Variants in NCEH1 observed in about 807,000 individuals in gnomAD.
NCEH1 encodes neutral cholesterol ester hydrolase 1, also known as 2-acetyl MAGE hydrolase.
In NCEH1, 9 loss-of-function variants were observed where a neutral mutation model predicts 25.4. That is an observed-to-expected ratio of 0.35 (90% CI 0.21 to 0.62). The LOEUF (loss-of-function observed/expected upper bound fraction) is 0.62, where lower values mean the gene tolerates loss of function less well. Ranked by LOEUF, NCEH1 falls within the 20% of genes least tolerant of loss-of-function variation. The pLI, the probability that NCEH1 is intolerant of heterozygous loss-of-function variation, is 0.72. For missense variants in NCEH1, 412 were observed against 501.1 expected (o/e 0.82, Z 1.70); for synonymous variants, 200 against 199.8 (o/e 1.00, Z -0.01).
rs917005062 is a variant in NCEH1 at position 172,647,737 on chromosome 3, T to G, written c.367+149A>C. On this transcript the variant is annotated intron_variant, in intron 2 of 4. Transcript: ENST00000475381. ...GTGAAAAGGGGGCACTAGTCATAAT[T>G]TTGCTGGGACAACAGGGGTAACTGG... 8.7e-6 allele frequency: 9 copies of G among 1,031,480 alleles called. No homozygotes were observed. The South Asian group carries it at 1.5e-4, about 17-fold the overall frequency. The allele number at this position is 1,031,480 out of a possible 1,614,324, so 63.9% of individuals were successfully genotyped here. A position where few individuals can be genotyped will look rare whatever the true frequency, so the allele number is the denominator to read the frequency against.
At chr3:172,634,975 T>A (rs895619353) in intron 4 of NCEH1, among the ~76,000 whole-genome samples, 1 of 152,170 alleles carries the variant, frequency 6.6e-6, no homozygotes, top group Non-Finnish European at 1.5e-5. Context: ...TGTATACACA[T>A]CACCTCACTA....
chr3:172,681,070 G>A (rs1292284027), intron 1 of NCEH1: 3 of 151,960 alleles, frequency 2.0e-5, no homozygotes, highest in African/African-American at 7.3e-5. Flanking sequence ...CGAAATAGAG[G>A]GGATATGCAT....
At chr3:172,674,319 C>T (rs926129627) in intron 1 of NCEH1, among the ~76,000 whole-genome samples, 8 of 151,764 alleles carry the variant, frequency 5.3e-5, no homozygotes, top group African/African-American at 1.7e-4. Context: ...TGGCACGTGC[C>T]GTAATCCCAG....
intron 1 of NCEH1, among the ~76,000 whole-genome samples, chr3:172,682,600 C>A (rs971548210): frequency 6.6e-6 from 1 of 152,178 alleles, no homozygotes; most frequent in African/African-American, 2.4e-5. Context: ...TAGGTTTGCA[C>A]AGGCCTCCCC....
chr3:172,643,014 C>T (rs1385183187), intron 3 of NCEH1, among the ~76,000 whole-genome samples: 2 of 152,186 alleles, frequency 1.3e-5, no homozygotes, highest in Non-Finnish European at 2.9e-5. Flanking sequence ...TCTCGGCTCA[C>T]TGCAACCTCC....
chr3:172,642,180 T>C (rs1716881324), intron 3 of NCEH1, among the ~76,000 whole-genome samples: 1 of 151,938 alleles, frequency 6.6e-6, no homozygotes, highest in African/African-American at 2.4e-5. Context: ...TTTTTTTGTT[T>C]TGTTTTGTTT....
intron 1 of NCEH1, among the ~76,000 whole-genome samples, chr3:172,677,915 G>A (rs1226987982): frequency 1.3e-5 from 2 of 152,232 alleles, no homozygotes; most frequent in Admixed American, 6.5e-5. Flanking sequence ...GCGACAGAGC[G>A]AGACTCCATC....
intron 1 of NCEH1, among the ~76,000 whole-genome samples, chr3:172,688,049 T>C (rs941261101): frequency 6.6e-6 from 1 of 150,600 alleles, no homozygotes; most frequent in Non-Finnish European, 1.5e-5. Context: ...AAAATGGACA[T>C]GGAGGCCGTG....
At chr3:172,673,362 G>GA (rs1213541831) in intron 1 of NCEH1, among the ~76,000 whole-genome samples, 1 of 152,186 alleles carries the variant, frequency 6.6e-6, no homozygotes, top group African/African-American at 2.4e-5. Flanking sequence ...AACAGCCAGT[G>GA]AAGCAAGAGG....
chr3:172,696,318 C>T (rs951082984), intron 1 of NCEH1, among the ~76,000 whole-genome samples: 3 of 151,986 alleles, frequency 2.0e-5, no homozygotes, highest in East Asian at 1.9e-4. Context: ...TATAGAAATC[C>T]GCAAACCTGA....
intron 1 of NCEH1, among the ~76,000 whole-genome samples, chr3:172,691,672 G>A (rs183665158): frequency 5.9e-5 from 9 of 152,422 alleles, no homozygotes; most frequent in East Asian, 1.9e-4. Context: ...GGTGCTGGCC[G>A]GGCGCGGTGG....
chr3:172,650,493 A>C (rs1717344013), intron 1 of NCEH1, among the ~76,000 whole-genome samples: 1 of 151,484 alleles, frequency 6.6e-6, no homozygotes, highest in South Asian at 2.1e-4. Context: ...AATACAAAAA[A>C]AAAAAATCAG....
intron 1 of NCEH1, among the ~76,000 whole-genome samples, chr3:172,656,837 A>C (rs1447553961): frequency 6.6e-6 from 1 of 152,084 alleles, no homozygotes; most frequent in Non-Finnish European, 1.5e-5. Context: ...CTTCAGCCCC[A>C]TATGTCTGAT....
At chr3:172,709,167 A>C (rs892294121) in intron 1 of NCEH1, among the ~76,000 whole-genome samples, 2 of 152,244 alleles carry the variant, frequency 1.3e-5, no homozygotes, top group Non-Finnish European at 2.9e-5. Context: ...TGGGCTGGCA[A>C]GCCTAGCTGG....
At chr3:172,653,992 T>C (rs1442261630) in intron 1 of NCEH1, among the ~76,000 whole-genome samples, 1 of 152,104 alleles carries the variant, frequency 6.6e-6, no homozygotes, top group Non-Finnish European at 1.5e-5. Context: ...CCTGACCTCA[T>C]GATCCTCCCG....
intron 1 of NCEH1, among the ~76,000 whole-genome samples, chr3:172,671,339 G>A (rs1025465548): frequency 1.3e-5 from 2 of 152,184 alleles, no homozygotes; most frequent in East Asian, 1.9e-4. Context: ...TTAGGAAGAA[G>A]TAGATATGAT....
intron 1 of NCEH1, among the ~76,000 whole-genome samples, chr3:172,666,640 G>A (rs1175378640): frequency 6.6e-6 from 1 of 152,166 alleles, no homozygotes; most frequent in Non-Finnish European, 1.5e-5. Flanking sequence ...CATCGGAGCC[G>A]TATCATTTTG....
chr3:172,699,575 T>C (rs1015085464), intron 1 of NCEH1, among the ~76,000 whole-genome samples: 1 of 152,128 alleles, frequency 6.6e-6, no homozygotes, highest in Non-Finnish European at 1.5e-5. Context: ...TTTAAAACCA[T>C]TGCACTGAGC....
intron 1 of NCEH1, among the ~76,000 whole-genome samples, chr3:172,701,941 C>T (rs572816655): frequency 1.3e-5 from 2 of 152,268 alleles, no homozygotes; most frequent in East Asian, 3.9e-4. Flanking sequence ...GACCTTTGAA[C>T]TTTAAGCTCC....
Sources: allele counts gnomAD v4.1 joint callset (sites outside exome capture counted in the v4.1 genomes callset), GRCh38; gene constraint gnomAD v4.1.1; transcripts MANE v1.5; gene names NCBI Gene and HGNC (gene_info 2026-07-23, HGNC 2026-07-21).